ZDHHC1: variants seen among roughly 807,000 people sequenced by gnomAD.
ZDHHC1 encodes the protein palmitoyltransferase ZDHHC1.
ZDHHC1 carries 45 observed loss-of-function variants against 46.9 expected under a neutral mutation model. That is an observed-to-expected ratio of 0.96 (90% CI 0.76 to 1.23). The LOEUF (loss-of-function observed/expected upper bound fraction) is 1.23. ZDHHC1 is among the 50% of genes most tolerant of loss of function. The pLI is 0.00. For synonymous variants in ZDHHC1, 291 were observed against 286.0 expected, an observed-to-expected ratio of 1.02 and a Z score of -0.18; for missense variants, 649 against 670.8, an observed-to-expected ratio of 0.97 and a Z score of 0.36.
Position 67,398,689 on chromosome 16 carries a change from G to A in ZDHHC1, c.698C>T (p.Ala233Val). The A allele has an allele frequency of 1.9e-6, 3 of 1,608,260 alleles. No individual in the cohort carries two copies. The highest frequency in any genetic ancestry group is 2.5e-6 in the Non-Finnish European group (3 of 1,178,110). The change falls in exon 7 of 12, where the codon GCC (alanine) becomes GTC (valine). Residue 233 changes from alanine to valine, a missense_variant. Ala to Val is a moderately conservative substitution (Grantham distance 64). Coordinates refer to ENST00000565726, the MANE Select transcript of ZDHHC1 (RefSeq NM_001323627.2). ...AGGGGCCTGGGTCTCCACGGGGGCG[G>A]CAGGCAGGAACACGAACCACACATC... ...HTDVWFVFLPAAPVETQAPAI... is the reference protein window; with the variant it reads ...HTDVWFVFLPVAPVETQAPAI...
In ZDHHC1 at chr16:67,399,348, T is replaced by C; in HGVS notation, c.530+7A>G. ...CCCAGGCCCGCGTGCGGCCGGGCTG[T>C]CCTCACCGGTAGTTCCGCTCGCCCA... On this transcript the variant is annotated splice_region_variant and intron_variant, in intron 5 of 11. Coordinates refer to ENST00000565726, the MANE Select transcript of ZDHHC1 (RefSeq NM_001323627.2). The C allele has an allele frequency of 1.9e-6, 3 of 1,611,256 alleles. No homozygotes were observed. Among genetic ancestry groups the C allele is most frequent in the Non-Finnish European group, 2.5e-6 (3 of 1,178,558 alleles).
intron 3 of ZDHHC1, among the ~76,000 whole-genome samples, chr16:67,403,359 A>T (rs2040588869): frequency 6.6e-6 from 1 of 152,152 alleles, no homozygotes; most frequent in Admixed American, 6.5e-5. Context: ...AGATCTGTGC[A>T]TTTTCTTTGT....
Position 67,394,760 on chromosome 16 carries a change from C to G in ZDHHC1, c.1299G>C (p.Gln433His), listed in dbSNP as rs12933493. ...AESVDEIPVA[Q>H]TRLGSAALAA... ...CCAGAGCGGCGCTGCCCAGGCGCGT[C>G]TGCGCCACTGGAATCTCGTCCACGG... Residue 433 changes from glutamine to histidine, a missense_variant, in exon 12 of 12, where the codon CAG becomes CAC. Physicochemically the swap from Gln to His is conservative, Grantham distance 24 (BLOSUM62 0). Transcript: ENST00000565726. The G allele has an allele frequency of 5.9e-6, 9 of 1,524,304 alleles. No homozygotes were observed. Among genetic ancestry groups the G allele is most frequent in the African/African-American group, 2.8e-5 (2 of 71,862 alleles). The allele number at this position is 1,524,304 out of a possible 1,614,324, so 94.4% of individuals were successfully genotyped here.
intron 3 of ZDHHC1, among the ~76,000 whole-genome samples, chr16:67,402,343 G>C (rs534488754): frequency 8.5e-5 from 13 of 152,210 alleles, no homozygotes; most frequent in African/African-American, 2.6e-4. Context: ...ACAGCTCTCT[G>C]ACTGAAATTC....
chr16:67,397,991 C>T (rs535740462), intron 8 of ZDHHC1, among the ~76,000 whole-genome samples: 58 of 152,334 alleles, frequency 3.8e-4, no homozygotes, highest in African/African-American at 1.2e-3. Context: ...GCATGCTTGG[C>T]GCCTGGGCAG....
chr16:67,412,835 T>C (rs1420633866), intron 1 of ZDHHC1, among the ~76,000 whole-genome samples: 1 of 152,088 alleles, frequency 6.6e-6, no homozygotes, highest in African/African-American at 2.4e-5. Flanking sequence ...AGTTTCACTC[T>C]TGTTGCTCAG....
rs752210263 is a variant in ZDHHC1, at chr16:67,399,461, A to C, written c.429-5T>G. The C allele has an allele frequency of 8.7e-6, 14 of 1,607,650 alleles. No individual in the cohort carries two copies. The highest frequency in any genetic ancestry group is 6.7e-5 in the East Asian group (3 of 44,610). ...CAGTGCTTGGAGCGAGCGCTCCTGC[A>C]GGGAGAGGGGGCACAGCGCGATTGG... is the stretch of plus-strand genomic sequence containing the variant. On this transcript the variant is annotated splice_polypyrimidine_tract_variant and splice_region_variant and intron_variant, in intron 4 of 11. Coordinates refer to ENST00000565726, the MANE Select transcript of ZDHHC1 (RefSeq NM_001323627.2).
Position 67,406,515 on chromosome 16 carries a change from G to A in ZDHHC1, c.10-73C>T. 4 of 1,441,864 alleles carry A rather than the reference G, an allele frequency of 2.8e-6. No homozygotes were observed. Among genetic ancestry groups the A allele is most frequent in the Non-Finnish European group, 3.6e-6 (4 of 1,097,380 alleles). The allele number at this position is 1,441,864 out of a possible 1,614,324, so 89.3% of individuals were successfully genotyped here. A position where few individuals can be genotyped will look rare whatever the true frequency, so the allele number is the denominator to read the frequency against. ...CTGGAGCCCAGGGCCTGTGTCTGCA[G>A]CCAAGTTTCAGCACAGGGGGAGTAG... On this transcript the variant is annotated intron_variant, in intron 2 of 11. Coordinates refer to ENST00000565726, the MANE Select transcript of ZDHHC1 (RefSeq NM_001323627.2). This position sits in a 1 kb window ranked among gnomAD's most constrained non-coding sequence, Gnocchi z 4.1.
chr16:67,395,187 C>G lies in ZDHHC1; in HGVS notation c.1104G>C (p.Gln368His). 6.2e-7 allele frequency: 1 copy of G among 1,612,750 alleles called. No individual in the cohort carries two copies. The highest frequency in any genetic ancestry group is 2.2e-5 in the East Asian group (1 of 44,866). Residue 368 changes from glutamine (Q) to histidine (H), a missense_variant and splice_region_variant, in exon 10 of 12, where the codon CAG becomes CAC. Transcript: ENST00000565726. ...TLALPPRIRP[Q>H]KKRKRRVYKV... ...GGAGGCCCAGCACAGTCCCTCCTAC[C>G]TGGGGTCGGATCCGGGGAGGCAGGG...
intron 1 of ZDHHC1, among the ~76,000 whole-genome samples, chr16:67,415,615 G>A (rs1050657477): frequency 1.3e-5 from 2 of 151,886 alleles, no homozygotes; most frequent in South Asian, 2.1e-4. Flanking sequence ...AACTTAGCCG[G>A]GCGTGGCGGC....
intron 10 of ZDHHC1, 24 bp from the exon 11 acceptor site, chr16:67,395,086 A>AGTAAGCACTTACGG (rs774771679): frequency 1.2e-6 from 2 of 1,613,302 alleles, no homozygotes; most frequent in South Asian, 2.2e-5. Context: ...GGGGAGCCTG[A>AGTAAGCACTTACGG]GGGCCCCACA....
At chr16:67,405,831 G>A (rs956677470) in intron 3 of ZDHHC1, among the ~76,000 whole-genome samples, 1 of 152,190 alleles carries the variant, frequency 6.6e-6, no homozygotes, top group Admixed American at 6.5e-5. Flanking sequence ...AAAATTCTTC[G>A]ATAGATGGAC....
Position 67,416,420 on chromosome 16 carries a change from CAGCA to C in ZDHHC1, c.-292_-289del. ...CCGGCTCCGGCTCCGGCTCCGGCTC[CAGCA>C]GGCTGGAGGGGCGGCCAGGCCAGAC... On this transcript the variant is annotated 5_prime_UTR_variant, in exon 1 of 12. Coordinates refer to ENST00000565726, the MANE Select transcript of ZDHHC1 (RefSeq NM_001323627.2). The C allele has an allele frequency of 4.7e-6, 1 of 211,418 alleles. No individual in the cohort carries two copies. The highest frequency in any genetic ancestry group is 5.0e-5 in the South Asian group (1 of 19,980). The allele number at this position is 211,418 out of a possible 1,614,324, so 13.1% of individuals were successfully genotyped here.
intron 4 of ZDHHC1, among the ~76,000 whole-genome samples, chr16:67,400,570 C>T (rs889825272): frequency 1.3e-5 from 2 of 152,220 alleles, no homozygotes; most frequent in Admixed American, 6.5e-5. Context: ...GCTCTTCCTC[C>T]TCCATGAAGT....
chr16:67,399,961 AAAG>A (rs1182042400), intron 4 of ZDHHC1, among the ~76,000 whole-genome samples: 1 of 152,228 alleles, frequency 6.6e-6, no homozygotes, highest in Non-Finnish European at 1.5e-5. Context: ...AAAAGAGGCA[AAAG>A]AAGTGCAGGC....
intron 5 of ZDHHC1, 24 bp downstream of exon 5, chr16:67,399,331 C>T (rs1415447140): frequency 1.9e-6 from 3 of 1,596,606 alleles, no homozygotes; most frequent in Non-Finnish European, 2.6e-6. Context: ...TCCCCAGGCC[C>T]GCGTGCGGCC....
intron 1 of ZDHHC1, among the ~76,000 whole-genome samples, chr16:67,409,890 C>T (rs1300381527): frequency 2.7e-5 from 4 of 150,736 alleles, no homozygotes; most frequent in African/African-American, 9.8e-5. Context: ...TGGACGGACA[C>T]GAACAGATAC....
chr16:67,404,817 G>A (rs896695254), intron 3 of ZDHHC1: 44 of 431,344 alleles, frequency 1.0e-4, no homozygotes, highest in Middle Eastern at 3.4e-4. Context: ...CACATGTAAG[G>A]GCTCAATAAA....
In ZDHHC1 at chr16:67,394,224, T is replaced by G. The variant is rs1048287213; in HGVS notation, c.*386A>C. Reference sequence around the variant, plus strand: ...TCTCGGCCTCCCAGTGCAAAGCCCATCTTTAAGAAAAATAACCTCCTCCAG... The same window carrying G: ...TCTCGGCCTCCCAGTGCAAAGCCCAGCTTTAAGAAAAATAACCTCCTCCAG... On this transcript the variant is annotated 3_prime_UTR_variant, in exon 12 of 12. Transcript: ENST00000565726. Among the ~76,000 whole-genome samples the G allele has an allele frequency of 6.6e-6, 1 of 152,158 alleles. No homozygotes were observed. Among genetic ancestry groups the G allele is most frequent in the Non-Finnish European group, 1.5e-5 (1 of 68,016 alleles).
Sources: allele counts gnomAD v4.1 joint callset (sites outside exome capture counted in the v4.1 genomes callset), GRCh38; gene constraint gnomAD v4.1.1; non-coding constraint Gnocchi (gnomAD v3.1); transcripts MANE v1.5; gene names NCBI Gene and HGNC (gene_info 2026-07-23, HGNC 2026-07-21).